The following LRIG1 variants were observed in gnomAD, a reference collection of about 807,000 sequenced individuals.
LRIG1 encodes leucine-rich repeats and immunoglobulin-like domains protein 1.
A neutral mutation model predicts 99.2 loss-of-function variants in LRIG1; 48 were observed. The ratio of observed to expected loss-of-function variants is 0.48; its 90% CI spans 0.38 to 0.62. The LOEUF (loss-of-function observed/expected upper bound fraction) is 0.62. LRIG1 is among the 20% of genes least tolerant of loss of function. The pLI, the probability that LRIG1 is intolerant of heterozygous loss-of-function variation, is 0.00. For synonymous variants in LRIG1, 772 were observed against 596.1 expected (o/e 1.29, Z -4.30); for missense variants, 1,646 against 1,434.4 (o/e 1.15, Z -2.38).
chr3:66,493,072 G>C (rs1701141212), intron 1 of LRIG1, among the ~76,000 whole-genome samples: 1 of 152,070 alleles, frequency 6.6e-6, no homozygotes, highest in African/African-American at 2.4e-5. Context: ...ATTGTCTCCT[G>C]TCCTCCCTCC....
intron 3 of LRIG1, among the ~76,000 whole-genome samples, chr3:66,438,812 G>C (rs1703448301): frequency 6.6e-6 from 1 of 152,220 alleles, no homozygotes; most frequent in African/African-American, 2.4e-5. Context: ...CGCTGTGAGA[G>C]GCCACCTGGT....
intron 6 of LRIG1, 129 bp downstream of exon 6, chr3:66,412,742 G>A: frequency 9.6e-7 from 1 of 1,045,964 alleles, no homozygotes; most frequent in Non-Finnish European, 1.4e-6. Flanking sequence ...ATGCTGGTGT[G>A]GGCGCACACA....
chr3:66,462,195 C>T (rs1180660577), intron 2 of LRIG1, among the ~76,000 whole-genome samples: 1 of 152,164 alleles, frequency 6.6e-6, no homozygotes, highest in African/African-American at 2.4e-5. Flanking sequence ...CTGCTATACA[C>T]CCACCATGCG....
intron 1 of LRIG1, among the ~76,000 whole-genome samples, chr3:66,493,825 A>T (rs1701160134): frequency 6.6e-6 from 1 of 151,662 alleles, no homozygotes; most frequent in African/African-American, 2.4e-5. Context: ...GAAAGGAAAG[A>T]AAGAAAAAAA....
In LRIG1 at chr3:66,386,111, C is replaced by T. The variant is rs372342484; in HGVS notation, c.1659G>A (p.Gly553=). The T allele has an allele frequency of 2.6e-5, 42 of 1,614,092 alleles. No homozygotes were observed. Among genetic ancestry groups the T allele is most frequent in the Non-Finnish European group, 3.6e-5 (42 of 1,180,048 alleles). Residue 553 remains glycine, a synonymous_variant, in exon 13 of 19, where the codon GGG becomes GGA. Coordinates refer to ENST00000273261, the MANE Select transcript of LRIG1 (RefSeq NM_015541.3). ...ENFVHVHAQD[G]EVMEYTTILH... Reference sequence around the variant, plus strand: ...GGATGGTGGTGTACTCCATCACTTCCCCGTCCTGCGCGTGGACGTGGACAA... The same window carrying T: ...GGATGGTGGTGTACTCCATCACTTCTCCGTCCTGCGCGTGGACGTGGACAA...
chr3:66,380,519 C>A, intron 18 of LRIG1, 30 bp from the exon 19 acceptor site: 1 of 1,613,916 alleles, frequency 6.2e-7, no homozygotes, highest in Non-Finnish European at 8.5e-7. Context: ...CTGTCAGACC[C>A]CCACTTGACC....
intron 9 of LRIG1, among the ~76,000 whole-genome samples, chr3:66,401,100 G>A (rs1702035650): frequency 2.0e-5 from 3 of 152,216 alleles, no homozygotes; most frequent in Admixed American, 6.5e-5. Context: ...GGGCAAACGG[G>A]CCAGAGACCC....
chr3:66,409,401 G>A (rs1702393196), intron 7 of LRIG1, among the ~76,000 whole-genome samples: 3 of 152,140 alleles, frequency 2.0e-5, no homozygotes, highest in African/African-American at 7.2e-5. Context: ...ACTGCCCATC[G>A]CTACCCAGGC....
chr3:66,480,814 C>T (rs1700833837), intron 1 of LRIG1, among the ~76,000 whole-genome samples: 1 of 152,188 alleles, frequency 6.6e-6, no homozygotes, highest in Admixed American at 6.5e-5. Flanking sequence ...GAAAGCAGGG[C>T]TCCCAGTGGC....
At chr3:66,419,246 G>A (rs948628747) in intron 3 of LRIG1, among the ~76,000 whole-genome samples, 1 of 152,134 alleles carries the variant, frequency 6.6e-6, no homozygotes. Flanking sequence ...CGCCAGTTCT[G>A]TCCTCTCCCC....
intron 1 of LRIG1, among the ~76,000 whole-genome samples, chr3:66,491,413 G>T (rs1389312242): frequency 6.6e-6 from 1 of 152,164 alleles, no homozygotes; most frequent in Non-Finnish European, 1.5e-5. Context: ...AATCAGAATT[G>T]CACATTCTGG....
chr3:66,381,386 C>CT (rs1327372962), intron 17 of LRIG1, 93 bp downstream of exon 17: 1 of 1,296,210 alleles, frequency 7.7e-7, no homozygotes, highest in Non-Finnish European at 1.1e-6. Flanking sequence ...CAGCTGTGGA[C>CT]TAGGAATGTG....
chr3:66,405,669 T>C, intron 8 of LRIG1: 1 of 1,061,092 alleles, frequency 9.4e-7, no homozygotes, highest in Non-Finnish European at 1.2e-6. Flanking sequence ...CCAGAGTCCC[T>C]TTTCTGGACA....
intron 7 of LRIG1, 84 bp downstream of exon 7, chr3:66,410,045 G>A: frequency 4.2e-6 from 6 of 1,427,424 alleles, no homozygotes; most frequent in Non-Finnish European, 5.7e-6. Flanking sequence ...AGGCCACTGT[G>A]TGGTGGAACG....
chr3:66,389,635 T>C (rs1701537011), intron 12 of LRIG1, among the ~76,000 whole-genome samples: 2 of 152,122 alleles, frequency 1.3e-5, no homozygotes, highest in Admixed American at 6.5e-5. Flanking sequence ...GTAAAAATGA[T>C]AAATACATAT....
At position 66,410,175 on chromosome 3, in the gene LRIG1, G is replaced by A. The variant is rs1254873061; in HGVS notation, c.889C>T (p.Arg297Cys). The change falls in exon 7 of 19, where the codon CGC becomes TGC. Residue 297 changes from arginine (R) to cysteine (C), a missense_variant. By Grantham distance (180) the Arg-to-Cys change is radical. Transcript: ENST00000273261. Reference sequence around the variant, plus strand: ...AAGCTCCAGCCCTTGCGGTGAATGCGAGCGATGGAATTGTTGCTGAGGTGG... The same window carrying A: ...AAGCTCCAGCCCTTGCGGTGAATGCAAGCGATGGAATTGTTGCTGAGGTGG... ...QLHLSNNSIA[R>C]IHRKGWSFCQ... is the part of the protein sequence containing the mutation. 1 of 1,614,140 alleles carries A rather than the reference G, an allele frequency of 6.2e-7. No individual in the cohort carries two copies. The highest frequency in any genetic ancestry group is 1.7e-5 in the Admixed American group (1 of 60,028).
chr3:66,424,690 T>C (rs960328487), intron 3 of LRIG1, among the ~76,000 whole-genome samples: 2 of 152,184 alleles, frequency 1.3e-5, no homozygotes, highest in African/African-American at 4.8e-5. Context: ...TCTAACAAGG[T>C]AGGTACTATT....
chr3:66,435,778 T>A (rs1326863314), intron 3 of LRIG1, among the ~76,000 whole-genome samples: 1 of 73,750 alleles, frequency 1.4e-5, no homozygotes, highest in Non-Finnish European at 4.0e-5. Context: ...TCTCCCCATA[T>A]TACTTTTTTT....
intron 1 of LRIG1, among the ~76,000 whole-genome samples, chr3:66,465,699 A>G (rs1164179226): frequency 6.6e-6 from 1 of 152,082 alleles, no homozygotes. Context: ...TAAAATACAT[A>G]TAACATAAAA....
Sources: allele counts gnomAD v4.1 joint callset (sites outside exome capture counted in the v4.1 genomes callset), GRCh38; gene constraint gnomAD v4.1.1; transcripts MANE v1.5; gene names NCBI Gene and HGNC (gene_info 2026-07-23, HGNC 2026-07-21).